Variants in NR1D2 observed in about 807,000 individuals in gnomAD.
NR1D2 encodes nuclear receptor subfamily 1 group D member 2.
A neutral mutation model predicts 52.2 loss-of-function variants in NR1D2; 25 were observed. That is an observed-to-expected ratio of 0.48 (90% confidence interval 0.35 to 0.67). The LOEUF is 0.67. Among genes scored for constraint, NR1D2 ranks in the 30% least tolerant of loss-of-function variants. The pLI is 0.01. For synonymous variants in NR1D2, 259 were observed against 230.1 expected, an observed-to-expected ratio of 1.13 and a Z score of -1.14; for missense variants, 681 against 707.2, an observed-to-expected ratio of 0.96 and a Z score of 0.42.
chr3:23,959,512 T>G (rs1706180939), intron 3 of NR1D2, among the ~76,000 whole-genome samples, 159 bp from the exon 4 acceptor site: 1 of 152,020 alleles, frequency 6.6e-6, no homozygotes, highest in Non-Finnish European at 1.5e-5. Context: ...GTGTCAACAT[T>G]GTATTTCCCT....
rs371267256 is a variant in NR1D2 at position 23,965,235 on chromosome 3, CTTTTTTTTT to C, written c.1332+87_1332+95del. 947 of 309,300 alleles carry C rather than the reference CTTTTTTTTT, an allele frequency of 3.1e-3. 11 individuals carry two copies. Among genetic ancestry groups the C allele is most frequent in the Non-Finnish European group, 6.6e-4 (128 of 192,826 alleles). 19.2% of individuals were successfully genotyped at this position (309,300 alleles called of 1,614,324 possible). A position where few individuals can be genotyped will look rare whatever the true frequency, so the allele number is the denominator to read the frequency against. ...TTTTATTTTCATGGATGTTTTAATT[CTTTTTTTTT>C]TTTTTTTTTTTTTGAGACAGAATCC... On this transcript the variant is annotated intron_variant, in intron 6 of 7. Transcript: ENST00000312521.
intron 2 of NR1D2, 89 bp from the exon 3 acceptor site, chr3:23,955,948 C>A (rs1356248373): frequency 2.3e-6 from 2 of 859,450 alleles, no homozygotes; most frequent in Middle Eastern, 2.2e-4. Flanking sequence ...AAAGCTCTTA[C>A]ACGTTGAATG....
chr3:23,957,373 T>A lies in NR1D2; in HGVS notation c.372+1248T>A, dbSNP rs567786174. Among the ~76,000 whole-genome samples, 13 of 144,816 alleles carry A rather than the reference T, an allele frequency of 9.0e-5. 1 individual carries two copies. The highest frequency in any genetic ancestry group is 3.1e-4 in the African/African-American group (12 of 39,342). On this transcript the variant is annotated intron_variant, in intron 3 of 7. Transcript: ENST00000312521. ...ATTTTTTTCATTGTTTAAAAAAGAT[T>A]CTCCTTCTCTATATATCTTTTTTTT...
At chr3:23,963,439 G>T in intron 5 of NR1D2, 1 of 1,171,412 alleles carries the variant, frequency 8.5e-7, no homozygotes, top group Middle Eastern at 2.7e-4. Context: ...CTTATGTTAG[G>T]CTAAGTCGTT....
intron 1 of NR1D2, among the ~76,000 whole-genome samples, chr3:23,949,980 G>A (rs1027846835): frequency 6.6e-6 from 1 of 152,190 alleles, no homozygotes; most frequent in African/African-American, 2.4e-5. Flanking sequence ...GCCCTAGCCT[G>A]GGAACCTGGC....
At chr3:23,948,521 G>A (rs1011715819) in intron 1 of NR1D2, among the ~76,000 whole-genome samples, 21 of 152,126 alleles carry the variant, frequency 1.4e-4, no homozygotes, top group African/African-American at 3.9e-4. Context: ...TAATGGGTAG[G>A]GAGGATTAGT....
intron 1 of NR1D2, 21 bp downstream of exon 1, chr3:23,945,615 G>C: frequency 8.5e-7 from 1 of 1,177,942 alleles, no homozygotes; most frequent in South Asian, 4.2e-5. Flanking sequence ...GACTGCGGCG[G>C]GTGGGGGATG....
rs375097433 is a variant in NR1D2 at position 23,967,902 on chromosome 3, A to G, written c.1422A>G (p.Leu474=). 9.9e-6 allele frequency: 16 copies of G among 1,614,024 alleles called. 1 individual carries two copies. The highest frequency in any genetic ancestry group is 1.3e-5 in the Non-Finnish European group (15 of 1,179,888). The change falls in exon 7 of 8, where the codon TTA becomes TTG. Residue 474 remains leucine, a synonymous_variant. Transcript: ENST00000312521. ...GAAAGAAATATAGTGTGGATGATTTACACTCAATGGGAGCAGGGGATCTGC... is the reference window on the plus strand; with the variant it reads ...GAAAGAAATATAGTGTGGATGATTTGCACTCAATGGGAGCAGGGGATCTGC... ...LSGKKYSVDD[L]HSMGAGDLLN... is the part of the protein sequence containing the mutation.
intron 6 of NR1D2, 30 bp from the exon 7 acceptor site, chr3:23,967,783 C>T: frequency 6.4e-7 from 1 of 1,560,022 alleles, no homozygotes; most frequent in Non-Finnish European, 8.8e-7. Context: ...TGTTAGACTT[C>T]TCCAAATACA....
rs776535889 is a variant in NR1D2, at chr3:23,967,986, G to A, written c.1506G>A (p.Glu502=). Residue 502 remains glutamate (E), a synonymous_variant, in exon 7 of 8, where the codon GAG becomes GAA. Coordinates refer to ENST00000312521, the MANE Select transcript of NR1D2 (RefSeq NM_005126.5). ...ATGCCCTCCAACTTAGTGATGAAGA[G>A]ATGAGTTTGTTTACAGCTGTTGTCC... ...KLNALQLSDE[E]MSLFTAVVLV... is the part of the protein sequence containing the mutation. The A allele has an allele frequency of 6.2e-6, 10 of 1,614,054 alleles. No homozygotes were observed. The highest frequency in any genetic ancestry group is 3.3e-4 in the Middle Eastern group (2 of 6,084).
chr3:23,963,559 C>T (rs1264373043), intron 5 of NR1D2: 1 of 191,666 alleles, frequency 5.2e-6, no homozygotes, highest in African/African-American at 2.4e-5. Context: ...AAGCAATTCT[C>T]ATGCCTCAAC....
At chr3:23,965,985 C>G (rs947800867) in intron 6 of NR1D2, among the ~76,000 whole-genome samples, 3 of 152,162 alleles carry the variant, frequency 2.0e-5, no homozygotes, top group Non-Finnish European at 2.9e-5. Context: ...CTTTTCTGTC[C>G]CGCTTCTCTT....
At chr3:23,948,104 C>G (rs966409963) in intron 1 of NR1D2, among the ~76,000 whole-genome samples, 1 of 148,552 alleles carries the variant, frequency 6.7e-6, no homozygotes, top group Admixed American at 6.7e-5. Context: ...GCGACAAGAG[C>G]GAGACTCCCA....
Position 23,978,150 on chromosome 3 carries a change from T to C in NR1D2, c.*731T>C, listed in dbSNP as rs554505097. 6.6e-6 allele frequency: 1 copy of C among 152,332 alleles called. No homozygotes were observed. The highest frequency in any genetic ancestry group is 2.1e-4 in the South Asian group (1 of 4,828). 9.4% of individuals were successfully genotyped at this position (152,332 alleles called of 1,614,324 possible). A position where few individuals can be genotyped will look rare whatever the true frequency, so the allele number is the denominator to read the frequency against. ...TCCACACCAACCATATTATTCAGGG[T>C]TCCTGCCATATGTGTGGGGTATCCT... On this transcript the variant is annotated 3_prime_UTR_variant, in exon 8 of 8. Coordinates refer to ENST00000312521, the MANE Select transcript of NR1D2 (RefSeq NM_005126.5).
rs151239289 is a variant in NR1D2, at chr3:23,957,886, AGT to A, written c.372+1764_372+1765del. Among the ~76,000 whole-genome samples the A allele has an allele frequency of 4.6e-3, 707 of 152,368 alleles. 10 individuals carry two copies. The highest frequency in any genetic ancestry group is 0.016 in the African/African-American group (663 of 41,596). Reference sequence around the variant, plus strand: ...TTCAGCTCTTGTAGTATCTAAGTCAAGTGTATAGTATCACAATAATAAAATAT... The same window carrying A: ...TTCAGCTCTTGTAGTATCTAAGTCAAGTATAGTATCACAATAATAAAATAT... On this transcript the variant is annotated intron_variant, in intron 3 of 7. Coordinates refer to ENST00000312521, the MANE Select transcript of NR1D2 (RefSeq NM_005126.5).
In NR1D2 at chr3:23,962,518, A is replaced by G. The variant is rs1706280751; in HGVS notation, c.1059A>G (p.Arg353=). 6.2e-7 allele frequency: 1 copy of G among 1,614,002 alleles called. No homozygotes were observed. Among genetic ancestry groups the G allele is most frequent in the Admixed American group, 1.7e-5 (1 of 60,002 alleles). The change falls in exon 5 of 8, where the codon AGA becomes AGG. Residue 353 remains arginine, a synonymous_variant. Coordinates refer to ENST00000312521, the MANE Select transcript of NR1D2 (RefSeq NM_005126.5). ...ACTTCTCCAATGCTTATACTCAAAG[A>G]GTATGTGATAGAGTTCCGATAGATG... ...CMNFSNAYTQ[R]VCDRVPIDGF... is the part of the protein sequence containing the mutation.
rs62253384 is a variant in NR1D2, at chr3:23,963,955, A to G, written c.1147-1022A>G. ...TTTTTTAATAACTTCTTGGCTTCCT[A>G]TTTTCCCTCACGCAGTCGTCATTTA... is the stretch of plus-strand genomic sequence containing the variant. On this transcript the variant is annotated intron_variant, in intron 5 of 7. Coordinates refer to ENST00000312521, the MANE Select transcript of NR1D2 (RefSeq NM_005126.5). Among the ~76,000 whole-genome samples the G allele has an allele frequency of 8.3e-3, 1,115 of 134,476 alleles. 1 individual carries two copies. The highest frequency in any genetic ancestry group is 0.025 in the Middle Eastern group (6 of 238). The allele number at this position is 134,476 out of a possible 152,430, so 88.2% of individuals were successfully genotyped here.
chr3:23,967,690 G>A, intron 6 of NR1D2, 123 bp from the exon 7 acceptor site: 1 of 699,366 alleles, frequency 1.4e-6, no homozygotes, highest in East Asian at 2.7e-5. Context: ...AGTATACCCT[G>A]TTTTTCTTTT....
At chr3:23,956,751 C>T (rs1439103354) in intron 3 of NR1D2, among the ~76,000 whole-genome samples, 4 of 152,254 alleles carry the variant, frequency 2.6e-5, no homozygotes, top group African/African-American at 9.6e-5. Flanking sequence ...ATGGTCTCTA[C>T]CTCCCTACCT....
Sources: allele counts gnomAD v4.1 joint callset (sites outside exome capture counted in the v4.1 genomes callset), GRCh38; gene constraint gnomAD v4.1.1; transcripts MANE v1.5; gene names NCBI Gene and HGNC (gene_info 2026-07-23, HGNC 2026-07-21).